The following KAT2B variants were observed in gnomAD, a reference collection of about 807,000 sequenced individuals.
The protein encoded by KAT2B is histone acetyltransferase KAT2B.
A neutral mutation model predicts 105.9 loss-of-function variants in KAT2B; 36 were observed. The ratio of observed to expected loss-of-function variants is 0.34; its 90% CI spans 0.26 to 0.45. KAT2B has a LOEUF of 0.45. Among genes scored for constraint, KAT2B ranks in the 20% least tolerant of loss-of-function variants. The pLI is 1.00. For synonymous variants in KAT2B, 397 were observed against 377.9 expected, an observed-to-expected ratio of 1.05 and a Z score of -0.59; for missense variants, 820 against 1,021.6, an observed-to-expected ratio of 0.80 and a Z score of 2.69.
chr3:20,133,772 C>T (rs2125186047), intron 11 of KAT2B, among the ~76,000 whole-genome samples: 1 of 152,274 alleles, frequency 6.6e-6, no homozygotes, highest in Middle Eastern at 3.4e-3. Flanking sequence ...AGAATAGTTC[C>T]CCCTACCATT....
intron 1 of KAT2B, among the ~76,000 whole-genome samples, chr3:20,059,660 G>A (rs1055342836): frequency 6.6e-5 from 10 of 151,728 alleles, no homozygotes; most frequent in South Asian, 2.1e-4. Context: ...AGCCGAGATC[G>A]TACCACTGCA....
intron 2 of KAT2B, among the ~76,000 whole-genome samples, chr3:20,089,728 T>A (rs942925709): frequency 6.6e-6 from 1 of 152,164 alleles, no homozygotes; most frequent in African/African-American, 2.4e-5. Flanking sequence ...TTTTATAGTT[T>A]GCAGTGTACA....
At chr3:20,086,307 C>T (rs779350464) in intron 2 of KAT2B, among the ~76,000 whole-genome samples, 2 of 149,366 alleles carry the variant, frequency 1.3e-5, no homozygotes, top group Non-Finnish European at 3.0e-5. Context: ...GAAAAACAAG[C>T]TGTATTGGAG....
intron 1 of KAT2B, among the ~76,000 whole-genome samples, chr3:20,057,845 T>C (rs1027273190): frequency 1.3e-5 from 2 of 152,138 alleles, no homozygotes; most frequent in Admixed American, 6.5e-5. Flanking sequence ...CCAAGGGGGT[T>C]CCAGACCTTT....
At chr3:20,098,522 G>T (rs911859258) in intron 3 of KAT2B, among the ~76,000 whole-genome samples, 2 of 152,110 alleles carry the variant, frequency 1.3e-5, no homozygotes, top group Non-Finnish European at 2.9e-5. Context: ...CTGCTATTAA[G>T]AACTTTTTTT....
intron 1 of KAT2B, among the ~76,000 whole-genome samples, chr3:20,041,971 CT>C (rs1697727647): frequency 6.6e-6 from 1 of 152,322 alleles, no homozygotes; most frequent in East Asian, 1.9e-4. Flanking sequence ...ACACCATATG[CT>C]CAGGTTTATG....
chr3:20,072,195 C>G, intron 1 of KAT2B, 138 bp from the exon 2 acceptor site: 1 of 843,350 alleles, frequency 1.2e-6, no homozygotes. Context: ...CTGTTTTTCT[C>G]TTGTGTATAT....
chr3:20,090,011 G>GA (rs35132602), intron 2 of KAT2B, among the ~76,000 whole-genome samples: 277 of 144,124 alleles, frequency 1.9e-3, no homozygotes, highest in African/African-American at 5.1e-3. Context: ...AACAAAACAA[G>GA]AAAAAAAAAA....
chr3:20,095,956 C>T (rs188693171), intron 3 of KAT2B, among the ~76,000 whole-genome samples: 22 of 152,114 alleles, frequency 1.4e-4, no homozygotes, highest in Admixed American at 6.6e-4. Context: ...TGAGCAGAAA[C>T]CTGAGTGGGA....
intron 1 of KAT2B, among the ~76,000 whole-genome samples, chr3:20,044,298 T>C (rs985070902): frequency 3.6e-4 from 55 of 151,832 alleles, no homozygotes; most frequent in African/African-American, 1.2e-3. Flanking sequence ...CTGGGCAATA[T>C]AGTGAGACTT....
intron 1 of KAT2B, among the ~76,000 whole-genome samples, chr3:20,062,244 T>TG (rs1698139398): frequency 2.7e-5 from 1 of 36,966 alleles, no homozygotes; most frequent in Non-Finnish European, 4.9e-5. Context: ...ATAAAATATA[T>TG]AATATATAAA....
intron 17 of KAT2B, among the ~76,000 whole-genome samples, chr3:20,150,255 G>A (rs59374480): frequency 5.8e-4 from 88 of 152,304 alleles, no homozygotes; most frequent in African/African-American, 2.0e-3. Context: ...CAGATGCTGA[G>A]TAAAATATTT....
At chr3:20,075,237 C>T (rs1698396710) in intron 2 of KAT2B, among the ~76,000 whole-genome samples, 1 of 151,834 alleles carries the variant, frequency 6.6e-6, no homozygotes, top group Admixed American at 6.6e-5. Context: ...GCACTCCAGC[C>T]TGAGCGATAT....
In KAT2B at chr3:20,068,701, T is replaced by C. The variant is rs75456100; in HGVS notation, c.304-3632T>C. ...GTACCTGGCATGTAGTAGGCCTCAATAAATATTGTTGAAAGAATGAGTCAG... is the reference window on the plus strand; with the variant it reads ...GTACCTGGCATGTAGTAGGCCTCAACAAATATTGTTGAAAGAATGAGTCAG... On this transcript the variant is annotated intron_variant, in intron 1 of 17. Coordinates refer to ENST00000263754, the MANE Select transcript of KAT2B (RefSeq NM_003884.5). Among the ~76,000 whole-genome samples the C allele has an allele frequency of 8.3e-3, 1,263 of 152,288 alleles. 81 individuals carry two copies. The East Asian group carries it at 0.16, about 20-fold the overall frequency.
chr3:20,147,384 C>A (rs1485502192), intron 14 of KAT2B, among the ~76,000 whole-genome samples: 2 of 151,338 alleles, frequency 1.3e-5, no homozygotes, highest in South Asian at 4.2e-4. Flanking sequence ...TAACTACTCT[C>A]AACAGGGATA....
At chr3:20,149,161 A>C (rs944744586) in intron 17 of KAT2B, among the ~76,000 whole-genome samples, 1 of 152,158 alleles carries the variant, frequency 6.6e-6, no homozygotes, top group African/African-American at 2.4e-5. Context: ...AAATTAAACT[A>C]ATTTGGCATT....
intron 11 of KAT2B, among the ~76,000 whole-genome samples, chr3:20,130,854 AGTGT>A (rs60944875): frequency 6.0e-5 from 9 of 150,456 alleles, no homozygotes; most frequent in South Asian, 4.2e-4. Context: ...GGATGAGTTT[AGTGT>A]GTGTGTGTGT....
chr3:20,150,808 C>G (rs1170291863), intron 17 of KAT2B, among the ~76,000 whole-genome samples: 1 of 140,952 alleles, frequency 7.1e-6, no homozygotes, highest in African/African-American at 2.7e-5. Context: ...TCTTACCCAT[C>G]TCCTAAAAAA....
intron 5 of KAT2B, among the ~76,000 whole-genome samples, chr3:20,106,579 G>T (rs1172353046): frequency 6.6e-6 from 1 of 152,032 alleles, no homozygotes; most frequent in African/African-American, 2.4e-5. Context: ...AAGCTGAAAA[G>T]TATAAATTGA....
Sources: gnomAD v4.1 joint callset for allele counts (sites outside exome capture counted in the v4.1 genomes callset) on GRCh38, gnomAD v4.1.1 for gene constraint, MANE v1.5 for transcripts, NCBI Gene and HGNC (gene_info 2026-07-23, HGNC 2026-07-21) for gene names.